The following DNAJC24 variants were observed in gnomAD, a reference collection of about 807,000 sequenced individuals.
DNAJC24 encodes the protein dnaJ homolog subfamily C member 24.
Under a neutral mutation model 18.0 loss-of-function variants are expected in DNAJC24, and 17 were observed. That is an observed-to-expected ratio of 0.94 (90% confidence interval 0.65 to 1.42). DNAJC24 has a LOEUF of 1.42. DNAJC24 is among the 40% of genes most tolerant of loss of function. The probability of loss-of-function intolerance (pLI) is 0.00; values close to 1 mark genes in which losing one functional copy is unlikely to be tolerated. For missense variants in DNAJC24, 158 were observed against 175.6 expected, an observed-to-expected ratio of 0.90 and a Z score of 0.57; for synonymous variants, 55 against 57.7, an observed-to-expected ratio of 0.95 and a Z score of 0.21.
intron 3 of DNAJC24, among the ~76,000 whole-genome samples, chr11:31,420,235 T>C (rs988466013): frequency 2.0e-5 from 3 of 152,098 alleles, no homozygotes; most frequent in African/African-American, 7.2e-5. Flanking sequence ...CTGCTTGTTA[T>C]TAATCAGAAC....
At chr11:31,381,769 G>T (rs1167472262) in intron 2 of DNAJC24, among the ~76,000 whole-genome samples, 3 of 151,928 alleles carry the variant, frequency 2.0e-5, no homozygotes, top group South Asian at 4.2e-4. Flanking sequence ...TAGAGACGGG[G>T]TTTCACCATG....
intron 4 of DNAJC24, chr11:31,427,981 T>TA (rs1205138992): frequency 1.5e-4 from 21 of 143,020 alleles, no homozygotes; most frequent in South Asian, 2.2e-4. Flanking sequence ...AAAAAAAATT[T>TA]AAAAAAAAAA....
At chr11:31,407,088 CAG>C (rs1952663872) in intron 2 of DNAJC24, among the ~76,000 whole-genome samples, 1 of 152,132 alleles carries the variant, frequency 6.6e-6, no homozygotes, top group Non-Finnish European at 1.5e-5. Context: ...AAGCTAGAGA[CAG>C]AGAGCTAGCA....
At position 31,430,428 on chromosome 11, in the gene DNAJC24, A is replaced by G. The variant is rs760400626; in HGVS notation, c.*27A>G. ...ATTGTTCACAACTTGAAATGCTTTA[A>G]CTGTGGTATTGAGACATGATGAGAA... is the stretch of plus-strand genomic sequence containing the variant. On this transcript the variant is annotated 3_prime_UTR_variant, in exon 5 of 5. Transcript: ENST00000465995. The G allele has an allele frequency of 1.3e-6, 2 of 1,591,750 alleles. No individual in the cohort carries two copies. The highest frequency in any genetic ancestry group is 1.9e-4 in the Middle Eastern group (1 of 5,270).
At chr11:31,373,071 T>A (rs1018685784) in intron 2 of DNAJC24, among the ~76,000 whole-genome samples, 1 of 135,202 alleles carries the variant, frequency 7.4e-6, no homozygotes, top group African/African-American at 2.5e-5. Flanking sequence ...TGTTTTTTTT[T>A]AAATTAAATA....
At chr11:31,427,853 G>T (rs1952878275) in intron 4 of DNAJC24, 3 of 150,884 alleles carry the variant, frequency 2.0e-5, no homozygotes, top group African/African-American at 7.3e-5. Context: ...CGGGCTGGAA[G>T]CCTGGAATCC....
intron 3 of DNAJC24, chr11:31,415,190 A>C (rs1262135524): frequency 2.6e-5 from 10 of 381,760 alleles, no homozygotes; most frequent in African/African-American, 2.1e-4. Context: ...TACTTTTTAT[A>C]ACATTTGAAA....
chr11:31,386,292 C>T (rs553417948), intron 2 of DNAJC24, among the ~76,000 whole-genome samples: 1 of 151,838 alleles, frequency 6.6e-6, no homozygotes, highest in African/African-American at 2.4e-5. Flanking sequence ...TTGCATCAAC[C>T]CTCCCCCAAC....
chr11:31,372,751 C>G (rs1330973816), intron 2 of DNAJC24, among the ~76,000 whole-genome samples: 1 of 135,982 alleles, frequency 7.4e-6, no homozygotes, highest in African/African-American at 2.5e-5. Context: ...TTATTGGTCT[C>G]TTTCATTTTG....
intron 2 of DNAJC24, among the ~76,000 whole-genome samples, chr11:31,404,432 AG>A (rs1464126719): frequency 6.6e-6 from 1 of 152,262 alleles, no homozygotes; most frequent in East Asian, 1.9e-4. Context: ...GGGCTAGCTG[AG>A]TGCCTTGAAT....
At chr11:31,421,511 G>C (rs1195329577) in intron 3 of DNAJC24, among the ~76,000 whole-genome samples, 3 of 152,180 alleles carry the variant, frequency 2.0e-5, no homozygotes, top group Non-Finnish European at 4.4e-5. Flanking sequence ...CAGAGCTGCA[G>C]GTGGACTTGA....
intron 2 of DNAJC24, among the ~76,000 whole-genome samples, chr11:31,381,085 G>A (rs945973237): frequency 1.3e-5 from 2 of 152,142 alleles, no homozygotes; most frequent in South Asian, 4.1e-4. Flanking sequence ...GCATTCGGGT[G>A]TTATATGGGT....
chr11:31,385,769 G>A (rs778551482), intron 2 of DNAJC24, among the ~76,000 whole-genome samples: 2 of 152,140 alleles, frequency 1.3e-5, no homozygotes, highest in African/African-American at 2.4e-5. Context: ...CAAGATGGCC[G>A]AATAGAAGCC....
intron 2 of DNAJC24, among the ~76,000 whole-genome samples, chr11:31,411,764 G>A (rs915870230): frequency 2.6e-5 from 4 of 152,082 alleles, no homozygotes; most frequent in Non-Finnish European, 5.9e-5. Flanking sequence ...GAACTACAAC[G>A]TAATCATATC....
At chr11:31,408,246 G>A in intron 2 of DNAJC24, 1 of 454,908 alleles carries the variant, frequency 2.2e-6, no homozygotes, top group Non-Finnish European at 4.4e-6. Flanking sequence ...CAAACAGTGT[G>A]CTTCTCAAAT....
intron 2 of DNAJC24, chr11:31,408,421 A>G: frequency 7.1e-6 from 2 of 283,128 alleles, no homozygotes; most frequent in East Asian, 1.8e-4. Context: ...CACTGAGGTG[A>G]CACATTGTGA....
chr11:31,373,375 A>G (rs1216577111), intron 2 of DNAJC24, among the ~76,000 whole-genome samples: 2 of 134,550 alleles, frequency 1.5e-5, no homozygotes, highest in Admixed American at 1.5e-4. Flanking sequence ...CAGTTGTGCC[A>G]GCATCATTTG....
chr11:31,408,868 CT>C (rs1322742787), intron 2 of DNAJC24, among the ~76,000 whole-genome samples: 1 of 152,080 alleles, frequency 6.6e-6, no homozygotes. Flanking sequence ...TAAAATAGCA[CT>C]TTACTGAAAT....
chr11:31,391,544 A>G (rs897855479), intron 2 of DNAJC24, among the ~76,000 whole-genome samples: 3 of 152,230 alleles, frequency 2.0e-5, no homozygotes, highest in Non-Finnish European at 4.4e-5. Context: ...ATAAAAATCA[A>G]AACTATGAAG....
Sources: allele counts gnomAD v4.1 joint callset (sites outside exome capture counted in the v4.1 genomes callset), GRCh38; gene constraint gnomAD v4.1.1; transcripts MANE v1.5; gene names NCBI Gene and HGNC (gene_info 2026-07-23, HGNC 2026-07-21).